Variants in RAD51B observed in about 807,000 individuals in gnomAD.
RAD51B encodes the protein RAD51 paralog B.
RAD51B carries 38 observed loss-of-function variants against 42.2 expected under a neutral mutation model. That is an observed-to-expected ratio of 0.90 (90% CI 0.70 to 1.18). The LOEUF is 1.18. Ranked by LOEUF, RAD51B falls within the 50% of genes most tolerant of loss-of-function variation. RAD51B has a pLI of 0.00. For missense variants in RAD51B, 373 were observed against 400.7 expected (o/e 0.93, Z 0.59); for synonymous variants, 154 against 145.2 (o/e 1.06, Z -0.43).
intron 7 of RAD51B, among the ~76,000 whole-genome samples, chr14:68,225,661 A>G (rs547757558): frequency 6.6e-6 from 1 of 152,342 alleles, no homozygotes; most frequent in East Asian, 1.9e-4. Flanking sequence ...CAAAGGTGAT[A>G]AAAGGATTGG....
chr14:68,254,977 G>A (rs1475220339), intron 7 of RAD51B, among the ~76,000 whole-genome samples: 1 of 152,120 alleles, frequency 6.6e-6, no homozygotes, highest in Non-Finnish European at 1.5e-5. Context: ...TCTCTTTATA[G>A]TCCTAAAGAG....
intron 7 of RAD51B, among the ~76,000 whole-genome samples, chr14:68,016,249 C>T (rs1415239647): frequency 6.6e-6 from 1 of 152,034 alleles, no homozygotes; most frequent in African/African-American, 2.4e-5. Context: ...ACATATATAA[C>T]TCACCAACTG....
At chr14:68,313,803 T>C (rs1307856706) in intron 8 of RAD51B, among the ~76,000 whole-genome samples, 3 of 152,186 alleles carry the variant, frequency 2.0e-5, no homozygotes, top group African/African-American at 7.2e-5. Flanking sequence ...TTGAGTGATA[T>C]AAATGGTTTT....
chr14:67,897,310 C>T (rs7150705), intron 7 of RAD51B, among the ~76,000 whole-genome samples: 49,788 of 151,814 alleles, frequency 0.33, 8,728 homozygotes, highest in Middle Eastern at 0.46. Context: ...AAACAACTCA[C>T]GAAATAGGAG....
intron 11 of RAD51B, among the ~76,000 whole-genome samples, chr14:68,666,359 C>T (rs531779317): frequency 3.9e-5 from 6 of 152,140 alleles, no homozygotes; most frequent in Non-Finnish European, 5.9e-5. Context: ...ACCAAAGAGC[C>T]GTAGTTTACA....
chr14:68,518,221 A>G (rs17105762), intron 10 of RAD51B, among the ~76,000 whole-genome samples: 5,032 of 152,324 alleles, frequency 0.033, 105 homozygotes, highest in Admixed American at 0.057. Context: ...TTAGAGCACA[A>G]CAGGGCGGGA....
intron 7 of RAD51B, among the ~76,000 whole-genome samples, chr14:67,904,934 G>GTTT (rs567202391): frequency 1.6e-4 from 22 of 138,380 alleles, no homozygotes; most frequent in African/African-American, 5.3e-4. Context: ...CTATTTGTCA[G>GTTT]TTTTTTTTTT....
At chr14:67,915,100 A>G (rs2044107965) in intron 7 of RAD51B, among the ~76,000 whole-genome samples, 1 of 152,170 alleles carries the variant, frequency 6.6e-6, no homozygotes, top group South Asian at 2.1e-4. Context: ...AGGGTGGGCA[A>G]GGGTTGAAAA....
intron 10 of RAD51B, among the ~76,000 whole-genome samples, chr14:68,581,075 A>T (rs1159891633): frequency 6.6e-6 from 1 of 152,128 alleles, no homozygotes; most frequent in Non-Finnish European, 1.5e-5. Context: ...GAAGGGATAG[A>T]TTACCTTTGA....
chr14:68,585,875 A>G (rs1890439791), intron 10 of RAD51B, among the ~76,000 whole-genome samples: 1 of 152,106 alleles, frequency 6.6e-6, no homozygotes, highest in Non-Finnish European at 1.5e-5. Context: ...GGAGGCAAGG[A>G]GAGCTGCAGA....
At chr14:68,260,697 A>C (rs1721226508) in intron 7 of RAD51B, among the ~76,000 whole-genome samples, 1 of 152,118 alleles carries the variant, frequency 6.6e-6, no homozygotes, top group Non-Finnish European at 1.5e-5. Flanking sequence ...TCTTCAAGAG[A>C]GAAGGTCAGA....
intron 7 of RAD51B, among the ~76,000 whole-genome samples, chr14:68,023,164 T>C (rs1477892290): frequency 6.6e-6 from 1 of 152,192 alleles, no homozygotes; most frequent in Non-Finnish European, 1.5e-5. Flanking sequence ...TTCTTTTGGG[T>C]ATATACCCAG....
rs60032578 is a variant in RAD51B at position 67,847,326 on chromosome 14, CTTTTTTTTTT to C, written c.315+12143_315+12152del. ...CTGCTAGTTTTGGGGTTGGTTTGTT[CTTTTTTTTTT>C]TTTTTTTTTTTTCTAATTCCATTAG... is the stretch of plus-strand genomic sequence containing the variant. On this transcript the variant is annotated intron_variant, in intron 4 of 10. Coordinates refer to ENST00000471583, the MANE Select transcript of RAD51B (RefSeq NM_133510.4). Among the ~76,000 whole-genome samples, 130 of 105,636 alleles carry C rather than the reference CTTTTTTTTTT, an allele frequency of 1.2e-3. 1 individual carries two copies. Among genetic ancestry groups the C allele is most frequent in the African/African-American group, 2.9e-3 (81 of 27,744 alleles). The allele number at this position is 105,636 out of a possible 152,430, so 69.3% of individuals were successfully genotyped here.
chr14:68,603,227 A>G (rs1270173597), intron 10 of RAD51B, among the ~76,000 whole-genome samples: 5 of 152,126 alleles, frequency 3.3e-5, no homozygotes, highest in African/African-American at 1.2e-4. Context: ...CTCTTTATTG[A>G]TCCCTATATC....
At chr14:68,443,618 G>GA (rs1336790554) in intron 9 of RAD51B, among the ~76,000 whole-genome samples, 4 of 151,860 alleles carry the variant, frequency 2.6e-5, no homozygotes, top group African/African-American at 7.3e-5. Flanking sequence ...TTTTCAAATG[G>GA]AAAATGTCAC....
At chr14:67,989,240 A>T (rs922455772) in intron 7 of RAD51B, among the ~76,000 whole-genome samples, 1 of 152,240 alleles carries the variant, frequency 6.6e-6, no homozygotes, top group Non-Finnish European at 1.5e-5. Context: ...GACGTCTTTG[A>T]TGGACATAAT....
At chr14:68,018,036 T>C (rs2075805452) in intron 7 of RAD51B, among the ~76,000 whole-genome samples, 1 of 152,178 alleles carries the variant, frequency 6.6e-6, no homozygotes, top group Non-Finnish European at 1.5e-5. Context: ...AAAAGCTGCT[T>C]AGTAGTTAAG....
intron 8 of RAD51B, among the ~76,000 whole-genome samples, chr14:68,399,971 C>T (rs1308356247): frequency 6.6e-6 from 1 of 152,166 alleles, no homozygotes; most frequent in Non-Finnish European, 1.5e-5. Context: ...AATTTTTCTT[C>T]AAGAACATAT....
intron 4 of RAD51B, among the ~76,000 whole-genome samples, chr14:67,839,905 T>G (rs1260208276): frequency 6.6e-6 from 1 of 152,112 alleles, no homozygotes; most frequent in Non-Finnish European, 1.5e-5. Context: ...CACAATTGCT[T>G]CTTTGACTCA....
Sources: allele counts gnomAD v4.1 joint callset (sites outside exome capture counted in the v4.1 genomes callset), GRCh38; gene constraint gnomAD v4.1.1; transcripts MANE v1.5; gene names NCBI Gene and HGNC (gene_info 2026-07-23, HGNC 2026-07-21).